NFIB: variants seen among roughly 807,000 people sequenced by gnomAD.
The protein encoded by NFIB is nuclear factor 1 B-type.
In NFIB, 11 loss-of-function variants were observed where a neutral mutation model predicts 61.5. That is an observed-to-expected ratio of 0.18 (90% confidence interval 0.11 to 0.30). The LOEUF (loss-of-function observed/expected upper bound fraction) is 0.30, where lower values mean the gene tolerates loss of function less well. Among genes scored for constraint, NFIB ranks in the 10% least tolerant of loss-of-function variants. NFIB has a pLI of 1.00. For synonymous variants in NFIB, 260 were observed against 216.5 expected (o/e 1.20, Z -1.76); for missense variants, 471 against 608.9 (o/e 0.77, Z 2.38).
intron 10 of NFIB, chr9:14,096,264 T>C (rs1191793919): frequency 2.0e-5 from 3 of 152,104 alleles, no homozygotes; most frequent in Non-Finnish European, 4.4e-5. Context: ...AGGTTTACAT[T>C]TGGGAATTTT....
chr9:14,522,365 T>G, the NFIB span, among the ~76,000 whole-genome samples: 2 of 152,206 alleles, frequency 1.3e-5, no homozygotes, highest in Non-Finnish European at 2.9e-5. Context: ...GTACCATTTA[T>G]AAACATCTTT....
chr9:14,414,810 A>G, the NFIB span, among the ~76,000 whole-genome samples: 1 of 152,168 alleles, frequency 6.6e-6, no homozygotes, highest in Non-Finnish European at 1.5e-5. Flanking sequence ...TATAAATATG[A>G]GGTATTTTAT....
intron 4 of NFIB, among the ~76,000 whole-genome samples, chr9:14,155,284 T>G (rs1308930495): frequency 3.9e-5 from 6 of 152,154 alleles, no homozygotes; most frequent in African/African-American, 1.4e-4. Flanking sequence ...AAGAATGGTG[T>G]CTCAGGTGAA....
At chr9:14,331,709 G>A (rs147684721) in intron 1 of NFIB, among the ~76,000 whole-genome samples, 108 of 152,270 alleles carry the variant, frequency 7.1e-4, no homozygotes, top group Non-Finnish European at 1.1e-3. Flanking sequence ...ACTTAGCCAC[G>A]CAAAGGCTAT....
the NFIB span, among the ~76,000 whole-genome samples, chr9:14,416,166 T>C: frequency 1.3e-5 from 2 of 152,222 alleles, no homozygotes; most frequent in South Asian, 4.1e-4. Flanking sequence ...TAACCACTTT[T>C]AGGTCAATGT....
chr9:14,382,183 A>T (rs557212848), intron 1 of NFIB, among the ~76,000 whole-genome samples: 1 of 152,316 alleles, frequency 6.6e-6, no homozygotes, highest in East Asian at 1.9e-4. Flanking sequence ...CTTCCTAAAA[A>T]AGTTATAAAG....
At chr9:14,233,184 C>T (rs1021271045) in intron 2 of NFIB, among the ~76,000 whole-genome samples, 1 of 152,122 alleles carries the variant, frequency 6.6e-6, no homozygotes, top group African/African-American at 2.4e-5. Flanking sequence ...AAAGATAGTA[C>T]GTTGTGTTGA....
At chr9:14,422,051 T>C in the NFIB span, among the ~76,000 whole-genome samples, 706 of 152,332 alleles carry the variant, frequency 4.6e-3, 6 homozygotes, top group African/African-American at 0.016. Context: ...AAAGTAATTA[T>C]ATTCCCACTA....
At chr9:14,176,131 G>A (rs1011631877) in intron 3 of NFIB, among the ~76,000 whole-genome samples, 1 of 151,890 alleles carries the variant, frequency 6.6e-6, no homozygotes, top group East Asian at 1.9e-4. Context: ...AATTATTAAA[G>A]GTAAAAAGAG....
intron 1 of NFIB, among the ~76,000 whole-genome samples, chr9:14,343,721 G>A (rs886418398): frequency 2.0e-5 from 3 of 151,992 alleles, no homozygotes; most frequent in Non-Finnish European, 2.9e-5. Flanking sequence ...GAGACAGGGA[G>A]GAGGGGGCTG....
intron 2 of NFIB, among the ~76,000 whole-genome samples, chr9:14,260,846 T>G (rs1045421069): frequency 6.6e-6 from 1 of 152,174 alleles, no homozygotes; most frequent in African/African-American, 2.4e-5. Context: ...TTTTCTGAAT[T>G]TGAAGGCACT....
intron 1 of NFIB, among the ~76,000 whole-genome samples, chr9:14,394,694 T>C (rs2133040649): frequency 6.6e-6 from 1 of 152,296 alleles, no homozygotes; most frequent in East Asian, 1.9e-4. Flanking sequence ...CATGGGTTGT[T>C]TCATGGATTC....
At chr9:14,443,937 A>G in the NFIB span, among the ~76,000 whole-genome samples, 1 of 152,216 alleles carries the variant, frequency 6.6e-6, no homozygotes, top group Admixed American at 6.5e-5. Flanking sequence ...ATTGTCCACA[A>G]AGTCCAAACT....
intron 10 of NFIB, among the ~76,000 whole-genome samples, chr9:14,098,656 C>T (rs1451873700): frequency 6.6e-6 from 1 of 152,182 alleles, no homozygotes; most frequent in African/African-American, 2.4e-5. Context: ...ACCTATCATC[C>T]TCCTAAGATC....
At chr9:14,525,067 G>A in the NFIB span, among the ~76,000 whole-genome samples, 3 of 152,092 alleles carry the variant, frequency 2.0e-5, no homozygotes, top group East Asian at 3.9e-4. Flanking sequence ...TAATTGTCTC[G>A]AGGAAAGATG....
At chr9:14,218,835 G>A (rs948869557) in intron 2 of NFIB, among the ~76,000 whole-genome samples, 3 of 152,120 alleles carry the variant, frequency 2.0e-5, no homozygotes, top group Non-Finnish European at 4.4e-5. Flanking sequence ...TTCAGTTATT[G>A]ATGTACCCTC....
At chr9:14,196,554 C>G (rs1402211182) in intron 2 of NFIB, among the ~76,000 whole-genome samples, 1 of 152,074 alleles carries the variant, frequency 6.6e-6, no homozygotes, top group African/African-American at 2.4e-5. Context: ...CACCTTTAAT[C>G]ACAAATCAAA....
At chr9:14,398,694 G>T in exon 1 of NFIB, 1 of 1,204,460 alleles carries the variant, frequency 8.3e-7, no homozygotes, top group Non-Finnish European at 1.1e-6. Flanking sequence ...CGCTGTTTTA[G>T]AATGTTTGCT....
chr9:14,246,439 C>T, intron 2 of NFIB, among the ~76,000 whole-genome samples: 1 of 152,170 alleles, frequency 6.6e-6, no homozygotes, highest in East Asian at 1.9e-4. Context: ...CCCATTTACC[C>T]TGGGATATCA....
Sources: allele counts gnomAD v4.1 joint callset (sites outside exome capture counted in the v4.1 genomes callset), GRCh38; gene constraint gnomAD v4.1.1; transcripts MANE v1.5; gene names NCBI Gene and HGNC (gene_info 2026-07-23, HGNC 2026-07-21).